The following TYR variants were observed in gnomAD, a reference collection of about 807,000 sequenced individuals.
TYR encodes the protein LB24-AB.
A neutral mutation model predicts 51.5 loss-of-function variants in TYR; 58 were observed. The ratio of observed to expected loss-of-function variants is 1.13; its 90% CI spans 0.91 to 1.40. The LOEUF (loss-of-function observed/expected upper bound fraction) is 1.40, where lower values mean the gene tolerates loss of function less well. TYR is among the 40% of genes most tolerant of loss of function. The pLI, the probability that TYR is intolerant of heterozygous loss-of-function variation, is 0.00. For synonymous variants in TYR, 263 were observed against 235.2 expected (o/e 1.12, Z -1.08); for missense variants, 732 against 647.4 (o/e 1.13, Z -1.42).
At chr11:89,191,070 T>G in intron 1 of TYR, 132 bp from the exon 2 acceptor site, 1 of 788,440 alleles carries the variant, frequency 1.3e-6, no homozygotes, top group Non-Finnish European at 2.1e-6. Context: ...TCCCTGTCAT[T>G]AAAGACACAT....
chr11:89,251,840 C>T (rs938281651), intron 3 of TYR, among the ~76,000 whole-genome samples: 3 of 151,708 alleles, frequency 2.0e-5, no homozygotes, highest in Non-Finnish European at 4.4e-5. Flanking sequence ...CTGTGAGGTG[C>T]CTTGATGCTA....
At chr11:89,237,090 C>T (rs1565408176) in intron 3 of TYR, among the ~76,000 whole-genome samples, 2 of 152,210 alleles carry the variant, frequency 1.3e-5, no homozygotes, top group African/African-American at 2.4e-5. Flanking sequence ...CTGCTCTAAT[C>T]TATTAACTCA....
At chr11:89,192,067 C>A (rs2135253981) in intron 2 of TYR, 1 of 438,192 alleles carries the variant, frequency 2.3e-6, no homozygotes, top group Non-Finnish European at 4.5e-6. Context: ...AAGGACACAG[C>A]ACATAGGTAA....
At chr11:89,189,896 A>G (rs1215844439) in intron 1 of TYR, among the ~76,000 whole-genome samples, 1 of 152,122 alleles carries the variant, frequency 6.6e-6, no homozygotes, top group Non-Finnish European at 1.5e-5. Flanking sequence ...CATTTCTGTC[A>G]AGGATGGACC....
chr11:89,189,290 G>A (rs1943412706), intron 1 of TYR, among the ~76,000 whole-genome samples: 1 of 151,922 alleles, frequency 6.6e-6, no homozygotes, highest in African/African-American at 2.4e-5. Context: ...AACAATGCAT[G>A]TGCCGTGTTT....
chr11:89,203,746 C>A (rs1231569852), intron 2 of TYR, among the ~76,000 whole-genome samples: 1 of 151,978 alleles, frequency 6.6e-6, no homozygotes, highest in African/African-American at 2.4e-5. Context: ...CCCAGAGGTA[C>A]AAACAAAAGT....
intron 3 of TYR, among the ~76,000 whole-genome samples, chr11:89,259,334 A>G (rs1410904287): frequency 2.0e-5 from 3 of 152,092 alleles, no homozygotes; most frequent in African/African-American, 7.2e-5. Flanking sequence ...TGGCTAGAAC[A>G]TTAGTATTTG....
intron 2 of TYR, among the ~76,000 whole-genome samples, chr11:89,214,060 G>A (rs1351457818): frequency 2.6e-5 from 4 of 152,104 alleles, no homozygotes; most frequent in African/African-American, 9.7e-5. Flanking sequence ...CAAAAGCAAT[G>A]GCAACAAAAG....
At chr11:89,221,716 TA>T (rs1282864061) in intron 2 of TYR, among the ~76,000 whole-genome samples, 7 of 152,342 alleles carry the variant, frequency 4.6e-5, no homozygotes, top group East Asian at 1.9e-4. Flanking sequence ...AGTCACTTTT[TA>T]AAAAATCTTC....
intron 4 of TYR, among the ~76,000 whole-genome samples, chr11:89,291,153 A>G (rs1944848814): frequency 1.3e-5 from 2 of 151,612 alleles, no homozygotes; most frequent in South Asian, 4.2e-4. Context: ...CATTCCTTCA[A>G]CATATCTTCT....
At chr11:89,274,817 G>C (rs1346999978) in intron 3 of TYR, among the ~76,000 whole-genome samples, 2 of 151,658 alleles carry the variant, frequency 1.3e-5, no homozygotes, top group African/African-American at 4.8e-5. Context: ...TTCTTCCTAC[G>C]TTCATAACAA....
At chr11:89,206,397 A>T (rs533942591) in intron 2 of TYR, among the ~76,000 whole-genome samples, 2 of 152,228 alleles carry the variant, frequency 1.3e-5, no homozygotes, top group East Asian at 3.9e-4. Flanking sequence ...TTGGAGTAAG[A>T]GAGGCACATT....
rs1200173680 is a variant in TYR, at chr11:89,233,658, A to T, written c.1184+5688A>T. 2.8e-5 allele frequency among the ~76,000 whole-genome samples: 4 copies of T among 142,398 alleles called. 2 individuals carry two copies. The highest frequency in any genetic ancestry group is 5.6e-5 in the African/African-American group (2 of 35,912). The allele number at this position is 142,398 out of a possible 152,430, so 93.4% of individuals were successfully genotyped here. On this transcript the variant is annotated intron_variant, in intron 3 of 4. Transcript: ENST00000263321. ...GTTAGCAGGCATGAAAACAGTATTC[A>T]TCTCCTAGTATATCTTCCTCAGAGA...
chr11:89,216,856 T>C (rs1431735744), intron 2 of TYR, among the ~76,000 whole-genome samples: 1 of 152,152 alleles, frequency 6.6e-6, no homozygotes, highest in African/African-American at 2.4e-5. Flanking sequence ...GAATAGCGTA[T>C]GACTATTTTT....
intron 3 of TYR, among the ~76,000 whole-genome samples, chr11:89,244,255 C>T (rs1291030148): frequency 2.6e-5 from 4 of 151,902 alleles, no homozygotes; most frequent in Non-Finnish European, 5.9e-5. Flanking sequence ...TTACTGGTGA[C>T]TCATATTTTA....
chr11:89,190,255 T>C (rs79521084), intron 1 of TYR, among the ~76,000 whole-genome samples: 3,749 of 152,176 alleles, frequency 0.025, 77 homozygotes, highest in Non-Finnish European at 0.041. Flanking sequence ...AACGCCTGGA[T>C]GTTTTATAGA....
At chr11:89,224,425 G>C (rs1367458613) in intron 2 of TYR, among the ~76,000 whole-genome samples, 1 of 152,068 alleles carries the variant, frequency 6.6e-6, no homozygotes, top group Non-Finnish European at 1.5e-5. Flanking sequence ...ATGTAACACA[G>C]AATTTAAGCC....
intron 3 of TYR, among the ~76,000 whole-genome samples, chr11:89,251,336 G>T (rs1016361899): frequency 1.3e-5 from 2 of 151,854 alleles, no homozygotes; most frequent in Admixed American, 6.6e-5. Context: ...TGACATAAGG[G>T]TTTCCTGAAG....
intron 3 of TYR, among the ~76,000 whole-genome samples, chr11:89,272,655 GTTCT>G: frequency 6.6e-6 from 1 of 152,040 alleles, no homozygotes. Context: ...CAGGCATTGA[GTTCT>G]TTCTAGCTAA....
Sources: allele counts gnomAD v4.1 joint callset (sites outside exome capture counted in the v4.1 genomes callset), GRCh38; gene constraint gnomAD v4.1.1; transcripts MANE v1.5; gene names NCBI Gene and HGNC (gene_info 2026-07-23, HGNC 2026-07-21).